The following NRF1 variants were observed in gnomAD, a reference collection of about 807,000 sequenced individuals.
NRF1 encodes alpha palindromic-binding protein.
Under a neutral mutation model 58.5 loss-of-function variants are expected in NRF1, and 5 were observed. The observed-to-expected ratio is 0.09, with a 90% confidence interval of 0.04 to 0.18. The LOEUF is 0.18. Among genes scored for constraint, NRF1 ranks in the 10% least tolerant of loss-of-function variants. NRF1 has a pLI of 1.00. For synonymous variants in NRF1, 224 were observed against 246.7 expected (o/e 0.91, Z 0.86); for missense variants, 288 against 657.7 (o/e 0.44, Z 6.15).
intron 1 of NRF1, among the ~76,000 whole-genome samples, chr7:129,617,655 G>A (rs1183766286): frequency 6.6e-6 from 1 of 152,128 alleles, no homozygotes; most frequent in Non-Finnish European, 1.5e-5. Context: ...AACTAGCTAT[G>A]TTACAACTTC....
At chr7:129,710,276 G>A in intron 6 of NRF1, 98 bp from the exon 7 acceptor site, 1 of 1,107,736 alleles carries the variant, frequency 9.0e-7, no homozygotes, top group South Asian at 1.3e-5. Context: ...GTTTGGTTTG[G>A]TTTGATTTGA....
At chr7:129,737,888 A>G (rs1803755356) in intron 10 of NRF1, among the ~76,000 whole-genome samples, 2 of 152,270 alleles carry the variant, frequency 1.3e-5, no homozygotes, top group Admixed American at 1.3e-4. Context: ...TGGTAAGCTC[A>G]GTGCCTCAGG....
intron 6 of NRF1, among the ~76,000 whole-genome samples, chr7:129,709,720 CTTTTCTTTCTT>C (rs1803027645): frequency 6.9e-6 from 1 of 145,278 alleles, no homozygotes; most frequent in African/African-American, 2.5e-5. Context: ...CTTTTTCTTT[CTTTTCTTTCTT>C]TTTTTTTTTT....
intron 5 of NRF1, among the ~76,000 whole-genome samples, chr7:129,695,309 G>A (rs141844231): frequency 6.6e-6 from 1 of 151,974 alleles, no homozygotes; most frequent in Non-Finnish European, 1.5e-5. Context: ...GGGCATGGTG[G>A]CTCACTCCTG....
intron 10 of NRF1, among the ~76,000 whole-genome samples, chr7:129,738,095 C>T (rs912118340): frequency 6.6e-6 from 1 of 152,232 alleles, no homozygotes; most frequent in African/African-American, 2.4e-5. Flanking sequence ...AATGAAGACA[C>T]TAGAGTGCTG....
intron 10 of NRF1, among the ~76,000 whole-genome samples, chr7:129,734,579 G>GAA: frequency 6.6e-6 from 1 of 152,330 alleles, no homozygotes; most frequent in South Asian, 2.1e-4. Context: ...GCTGCTGAGT[G>GAA]CCCCGGGCTC....
rs944564378 is a variant in NRF1, at chr7:129,647,570, A to G, written c.-6-9776A>G. ...GCCACCACCCCTGGCTAATTTTTGT[A>G]TTTTTAGTAGAGATAGGGTTTCACC... On this transcript the variant is annotated intron_variant, in intron 1 of 10. Coordinates refer to ENST00000393232, the MANE Select transcript of NRF1 (RefSeq NM_005011.5). Among the ~76,000 whole-genome samples the G allele has an allele frequency of 8.6e-5, 13 of 151,784 alleles. No homozygotes were observed. In the South Asian group the frequency reaches 2.5e-3, roughly 29 times the overall value.
intron 5 of NRF1, among the ~76,000 whole-genome samples, chr7:129,692,316 AGAG>A (rs1467356943): frequency 1.3e-5 from 2 of 152,190 alleles, no homozygotes; most frequent in Non-Finnish European, 2.9e-5. Flanking sequence ...CCTGTAATCA[AGAG>A]GAGGATCCCT....
chr7:129,689,783 G>A (rs1222072638), intron 4 of NRF1, among the ~76,000 whole-genome samples: 1 of 152,200 alleles, frequency 6.6e-6, no homozygotes, highest in Non-Finnish European at 1.5e-5. Context: ...CCTACCAGAA[G>A]CAAGGGAGAT....
rs1396580683 is a variant in NRF1 at position 129,681,809 on chromosome 7, A to G, written c.465+4051A>G. On this transcript the variant is annotated intron_variant, in intron 4 of 10. Transcript: ENST00000393232. ...TAACTTTAAAGCAAAACATGGGGTC[A>G]GGTACAGTGGCTCATGCCTGTAATC... is the stretch of plus-strand genomic sequence containing the variant. Among the ~76,000 whole-genome samples, 6 of 144,576 alleles carry G rather than the reference A, an allele frequency of 4.2e-5. No individual in the cohort carries two copies. In the South Asian group the frequency reaches 1.4e-3, roughly 33 times the overall value. The allele number at this position is 144,576 out of a possible 152,430, so 94.8% of individuals were successfully genotyped here.
chr7:129,618,296 C>T (rs1217604692), intron 1 of NRF1, among the ~76,000 whole-genome samples: 1 of 152,126 alleles, frequency 6.6e-6, no homozygotes, highest in African/African-American at 2.4e-5. Context: ...GTTAAGATAT[C>T]TGGGAATCAA....
In NRF1 at chr7:129,645,046, T is replaced by TA. The variant is rs201771420; in HGVS notation, c.-6-12283dup. 5.0e-3 allele frequency among the ~76,000 whole-genome samples: 676 copies of TA among 136,448 alleles called. 2 individuals carry two copies. The highest frequency in any genetic ancestry group is 0.012 in the African/African-American group (438 of 37,256). 89.5% of individuals were successfully genotyped at this position (136,448 alleles called of 152,430 possible). ...TCTGTAAACATTATTTCACCCAGTG[T>TA]AAAAAAAAAAAAAAAAATCATGTAA... On this transcript the variant is annotated intron_variant, in intron 1 of 10. Transcript: ENST00000393232.
At chr7:129,641,086 C>T (rs1300410491) in intron 1 of NRF1, among the ~76,000 whole-genome samples, 1 of 152,180 alleles carries the variant, frequency 6.6e-6, no homozygotes, top group Non-Finnish European at 1.5e-5. Flanking sequence ...TATCCAGAGA[C>T]AGCCTTTAAA....
chr7:129,646,892 A>T (rs1801417426), intron 1 of NRF1, among the ~76,000 whole-genome samples: 1 of 152,112 alleles, frequency 6.6e-6, no homozygotes, highest in South Asian at 2.1e-4. Context: ...GAGTTACAGA[A>T]ACTGTAACTG....
At chr7:129,732,661 G>A (rs974758964) in intron 10 of NRF1, among the ~76,000 whole-genome samples, 11 of 151,988 alleles carry the variant, frequency 7.2e-5, no homozygotes, top group African/African-American at 9.7e-5. Context: ...GGAGTGCAGT[G>A]GCTCAATCTC....
intron 1 of NRF1, among the ~76,000 whole-genome samples, chr7:129,635,663 T>C (rs1801155145): frequency 6.6e-6 from 1 of 152,180 alleles, no homozygotes; most frequent in African/African-American, 2.4e-5. Flanking sequence ...GTGGAATCTT[T>C]TTTTGTTACC....
intron 1 of NRF1, among the ~76,000 whole-genome samples, chr7:129,641,238 T>C (rs555528542): frequency 6.6e-6 from 1 of 152,348 alleles, no homozygotes; most frequent in South Asian, 2.1e-4. Flanking sequence ...AGAATTTAAC[T>C]CACTTTTTTA....
chr7:129,645,358 C>T lies in NRF1; in HGVS notation c.-6-11988C>T, dbSNP rs183513828. 1.9e-4 allele frequency among the ~76,000 whole-genome samples: 29 copies of T among 152,242 alleles called. No homozygotes were observed. In the South Asian group the frequency reaches 3.9e-3, roughly 21 times the overall value. On this transcript the variant is annotated intron_variant, in intron 1 of 10. Transcript: ENST00000393232. Reference sequence around the variant, plus strand: ...GGTTCCAGAGTTTGTACCACCCCGCCGGAGAAGTGAGGATGTGTTTAAGTA... The same window carrying T: ...GGTTCCAGAGTTTGTACCACCCCGCTGGAGAAGTGAGGATGTGTTTAAGTA...
intron 10 of NRF1, among the ~76,000 whole-genome samples, chr7:129,739,772 C>T (rs996308528): frequency 6.6e-6 from 1 of 152,148 alleles, no homozygotes; most frequent in Non-Finnish European, 1.5e-5. Context: ...GCAAGTTTCT[C>T]TTCTAGGCTA....
Sources: gnomAD v4.1 joint callset for allele counts (sites outside exome capture counted in the v4.1 genomes callset) on GRCh38, gnomAD v4.1.1 for gene constraint, MANE v1.5 for transcripts, NCBI Gene and HGNC (gene_info 2026-07-23, HGNC 2026-07-21) for gene names.